Variants in CNTNAP2 observed in about 807,000 individuals in gnomAD.
CNTNAP2 encodes the protein contactin associated protein 2.
Under a neutral mutation model 155.2 loss-of-function variants are expected in CNTNAP2, and 98 were observed. The ratio of observed to expected loss-of-function variants is 0.63; its 90% CI spans 0.54 to 0.75. CNTNAP2 has a LOEUF of 0.75. Ranked by LOEUF, CNTNAP2 falls within the 30% of genes least tolerant of loss-of-function variation. The pLI, the probability that CNTNAP2 is intolerant of heterozygous loss-of-function variation, is 0.00. For synonymous variants in CNTNAP2, 651 were observed against 631.2 expected (o/e 1.03, Z -0.47); for missense variants, 1,727 against 1,688.1 (o/e 1.02, Z -0.40).
intron 13 of CNTNAP2, among the ~76,000 whole-genome samples, chr7:147,814,571 A>G (rs935987897): frequency 1.3e-5 from 2 of 152,192 alleles, no homozygotes; most frequent in Admixed American, 6.5e-5. Flanking sequence ...CTCGCCCTTT[A>G]AAACCTTCAT....
At chr7:146,851,586 A>G (rs1338136712) in intron 3 of CNTNAP2, among the ~76,000 whole-genome samples, 2 of 151,544 alleles carry the variant, frequency 1.3e-5, no homozygotes, top group African/African-American at 4.9e-5. Flanking sequence ...AGCCTGCTCC[A>G]GGACTCTCTC....
chr7:147,539,585 T>C (rs992157496), intron 11 of CNTNAP2, among the ~76,000 whole-genome samples: 12 of 152,158 alleles, frequency 7.9e-5, no homozygotes, highest in Non-Finnish European at 1.6e-4. Context: ...TTTTACCCCA[T>C]CATCACAAAC....
At chr7:147,414,964 G>T (rs200397633) in intron 10 of CNTNAP2, among the ~76,000 whole-genome samples, 22 of 98,280 alleles carry the variant, frequency 2.2e-4, no homozygotes, top group Non-Finnish European at 4.2e-4. Context: ...AAAAAAAAAA[G>T]AAAAGAAAAA....
At chr7:147,523,204 G>A (rs917872655) in intron 11 of CNTNAP2, among the ~76,000 whole-genome samples, 1 of 152,158 alleles carries the variant, frequency 6.6e-6, no homozygotes, top group African/African-American at 2.4e-5. Context: ...TCAGCTCTTT[G>A]CTAGTCATCG....
At chr7:146,184,092 G>C (rs1237880199) in intron 1 of CNTNAP2, among the ~76,000 whole-genome samples, 1 of 152,144 alleles carries the variant, frequency 6.6e-6, no homozygotes, top group Admixed American at 6.6e-5. Flanking sequence ...CAAGATCCCA[G>C]ATGCAGAAAA....
chr7:147,626,258 G>A (rs995664701), intron 12 of CNTNAP2, among the ~76,000 whole-genome samples: 11 of 152,046 alleles, frequency 7.2e-5, no homozygotes, highest in Non-Finnish European at 7.3e-5. Flanking sequence ...GGCCATGCTT[G>A]CTTTTTTAGT....
At chr7:148,313,896 A>G (rs1367902368) in intron 21 of CNTNAP2, among the ~76,000 whole-genome samples, 1 of 152,192 alleles carries the variant, frequency 6.6e-6, no homozygotes, top group Non-Finnish European at 1.5e-5. Flanking sequence ...TTTGATGAAA[A>G]AGAGCCTAAA....
At chr7:148,156,378 G>A (rs932816145) in intron 17 of CNTNAP2, among the ~76,000 whole-genome samples, 1 of 152,088 alleles carries the variant, frequency 6.6e-6, no homozygotes, top group African/African-American at 2.4e-5. Flanking sequence ...GCTCTTTCCT[G>A]AAATACTTTC....
intron 13 of CNTNAP2, among the ~76,000 whole-genome samples, chr7:147,715,570 A>C (rs1468861343): frequency 6.6e-6 from 1 of 151,906 alleles, no homozygotes; most frequent in Non-Finnish European, 1.5e-5. Flanking sequence ...TGAAATTGAG[A>C]ATTATTTATA....
At chr7:146,875,955 A>AAAAT (rs1795417918) in intron 3 of CNTNAP2, among the ~76,000 whole-genome samples, 1 of 139,020 alleles carries the variant, frequency 7.2e-6, no homozygotes, top group Non-Finnish European at 1.5e-5. Context: ...AAAAAAAAAA[A>AAAAT]AAAAAACAAA....
At chr7:147,403,128 G>T (rs1353391512) in intron 10 of CNTNAP2, among the ~76,000 whole-genome samples, 1 of 152,094 alleles carries the variant, frequency 6.6e-6, no homozygotes, top group Non-Finnish European at 1.5e-5. Context: ...GGGTCCCCAT[G>T]ACTGCTTATC....
intron 15 of CNTNAP2, among the ~76,000 whole-genome samples, chr7:148,061,954 TATAGATAG>T (rs10535597): frequency 0.15 from 14,707 of 95,310 alleles, 1,499 homozygotes; most frequent in Middle Eastern, 0.21. Context: ...GATAAACAGA[TATAGATAG>T]ATAGATAGAT....
At chr7:147,610,170 A>G (rs1364892235) in intron 12 of CNTNAP2, among the ~76,000 whole-genome samples, 1 of 152,240 alleles carries the variant, frequency 6.6e-6, no homozygotes, top group Non-Finnish European at 1.5e-5. Flanking sequence ...CAACTAAAGC[A>G]TGTTATAATG....
At chr7:147,051,310 G>C (rs1478956616) in intron 4 of CNTNAP2, among the ~76,000 whole-genome samples, 2 of 151,408 alleles carry the variant, frequency 1.3e-5, no homozygotes, top group Non-Finnish European at 2.9e-5. Flanking sequence ...GTTTAATTTT[G>C]TATCATACAG....
chr7:146,181,134 C>G (rs889932855), intron 1 of CNTNAP2, among the ~76,000 whole-genome samples: 2 of 152,288 alleles, frequency 1.3e-5, no homozygotes, highest in South Asian at 2.1e-4. Context: ...GTACCATCAT[C>G]AAGTTACTTT....
At chr7:147,708,521 T>C (rs1463903928) in intron 13 of CNTNAP2, among the ~76,000 whole-genome samples, 1 of 152,108 alleles carries the variant, frequency 6.6e-6, no homozygotes, top group Admixed American at 6.5e-5. Flanking sequence ...AGGGTGTGAC[T>C]CAGCTTGAGC....
chr7:148,195,907 C>T (rs1795268992), intron 18 of CNTNAP2, among the ~76,000 whole-genome samples: 1 of 152,186 alleles, frequency 6.6e-6, no homozygotes, highest in South Asian at 2.1e-4. Flanking sequence ...AATGGGTCTG[C>T]TCAGACATTC....
intron 3 of CNTNAP2, among the ~76,000 whole-genome samples, chr7:146,895,307 T>C (rs1795853660): frequency 1.4e-5 from 2 of 146,332 alleles, no homozygotes; most frequent in South Asian, 4.6e-4. Context: ...CCGCCCTCCT[T>C]CCTTCCTCCG....
At chr7:146,646,311 T>G (rs1237298153) in intron 1 of CNTNAP2, among the ~76,000 whole-genome samples, 1 of 152,190 alleles carries the variant, frequency 6.6e-6, no homozygotes, top group Admixed American at 6.6e-5. Context: ...TATATGTGAA[T>G]GCTCACTAGT....
Sources: gnomAD v4.1 joint callset for allele counts (sites outside exome capture counted in the v4.1 genomes callset) on GRCh38, gnomAD v4.1.1 for gene constraint, MANE v1.5 for transcripts, NCBI Gene and HGNC (gene_info 2026-07-23, HGNC 2026-07-21) for gene names.